Variants in MAN2A1 observed in about 807,000 individuals in gnomAD.
MAN2A1 encodes alpha-mannosidase 2.
MAN2A1 carries 76 observed loss-of-function variants against 142.6 expected under a neutral mutation model. The ratio of observed to expected loss-of-function variants is 0.53; its 90% CI spans 0.44 to 0.65. The LOEUF (loss-of-function observed/expected upper bound fraction) is 0.65. MAN2A1 is among the 30% of genes least tolerant of loss of function. The pLI, the probability that MAN2A1 is intolerant of heterozygous loss-of-function variation, is 0.00. For synonymous variants in MAN2A1, 559 were observed against 473.2 expected, an observed-to-expected ratio of 1.18 and a Z score of -2.35; for missense variants, 1,311 against 1,365.1, an observed-to-expected ratio of 0.96 and a Z score of 0.62.
chr5:109,797,480 G>T (rs1026831691), intron 12 of MAN2A1, among the ~76,000 whole-genome samples: 3 of 151,930 alleles, frequency 2.0e-5, no homozygotes, highest in Admixed American at 2.0e-4. Flanking sequence ...AGAGGGTATG[G>T]ATGTGAAAAA....
At chr5:109,751,118 A>G (rs1056174105) in intron 4 of MAN2A1, among the ~76,000 whole-genome samples, 1 of 152,002 alleles carries the variant, frequency 6.6e-6, no homozygotes, top group Middle Eastern at 3.2e-3. Flanking sequence ...AACTTCTCTT[A>G]ACCCCTCTTC....
intron 13 of MAN2A1, among the ~76,000 whole-genome samples, chr5:109,819,055 T>C (rs1313311640): frequency 1.3e-5 from 2 of 152,210 alleles, no homozygotes; most frequent in Non-Finnish European, 2.9e-5. Context: ...GTGAAAGTAA[T>C]GTGCATTCAG....
At position 109,735,878 on chromosome 5, in the gene MAN2A1, G is replaced by GGT. The variant is rs367728649; in HGVS notation, c.707+6365_707+6366insGT. ...TTGACTTTTTATAATTTCCATTGGA[G>GGT]TTTTTTTTTTTTTTTTTTTTTCCCT... On this transcript the variant is annotated intron_variant, in intron 4 of 21. Transcript: ENST00000261483. Among the ~76,000 whole-genome samples, 5 of 98,406 alleles carry GGT rather than the reference G, an allele frequency of 5.1e-5. No individual in the cohort carries two copies. In the East Asian group the frequency reaches 1.5e-3, roughly 29 times the overall value. The allele number at this position is 98,406 out of a possible 152,430, so 64.6% of individuals were successfully genotyped here.
chr5:109,781,586 A>T lies in MAN2A1; in HGVS notation c.1565A>T (p.Glu522Val). 1 of 1,596,502 alleles carries T rather than the reference A, an allele frequency of 6.3e-7. No homozygotes were observed. The highest frequency in any genetic ancestry group is 1.3e-5 in the African/African-American group (1 of 74,136). The change falls in exon 9 of 22, where the codon GAA becomes GTA. Residue 522 changes from glutamate (E) to valine (V), a missense_variant. Coordinates refer to ENST00000261483, the MANE Select transcript of MAN2A1 (RefSeq NM_002372.4). ...TACAAACGAATGGACAGAATCATGG[A>T]ATCTCATTTAAGGTACTTTTACCTT... is the stretch of plus-strand genomic sequence containing the variant. The part of the protein sequence containing the change: ...PFYKRMDRIM[E>V]SHLRAAEILY...
chr5:109,762,377 GT>G (rs1182904022), intron 5 of MAN2A1, among the ~76,000 whole-genome samples: 2 of 152,038 alleles, frequency 1.3e-5, no homozygotes, highest in Non-Finnish European at 2.9e-5. Flanking sequence ...CCTTTTGTCT[GT>G]TTTTTGTTTC....
At position 109,820,236 on chromosome 5, in the gene MAN2A1, A is replaced by C; in HGVS notation, c.2345A>C (p.Glu782Ala). Residue 782 changes from glutamate (E) to alanine (A), a missense_variant, in exon 15 of 22, where the codon GAA (glutamate) becomes GCA (alanine). Physicochemically the swap from Glu to Ala is moderately radical, Grantham distance 107. Around this residue, in one of 3 missense-constraint regions of MAN2A1, gnomAD observed 890 missense variants for 920.5 expected, o/e 0.97. Coordinates refer to ENST00000261483, the MANE Select transcript of MAN2A1 (RefSeq NM_002372.4). Reference sequence around the variant, plus strand: ...AATCTTTAGCAAATGATGACTAAAGAAGATGGTAAACACCATGAAGTAAAT... The same window carrying C: ...AATCTTTAGCAAATGATGACTAAAGCAGATGGTAAACACCATGAAGTAAAT... ...TGLMKQMMTK[E>A]DGKHHEVNVQ... 6.2e-7 allele frequency: 1 copy of C among 1,607,516 alleles called. No individual in the cohort carries two copies. The highest frequency in any genetic ancestry group is 8.5e-7 in the Non-Finnish European group (1 of 1,175,964).
chr5:109,812,869 A>G (rs971536883), intron 12 of MAN2A1, among the ~76,000 whole-genome samples: 5 of 152,072 alleles, frequency 3.3e-5, no homozygotes, highest in African/African-American at 7.2e-5. Context: ...TTCTGCACTG[A>G]TGATTCATTA....
chr5:109,763,863 G>A (rs1371959591), intron 5 of MAN2A1, among the ~76,000 whole-genome samples: 3 of 150,792 alleles, frequency 2.0e-5, no homozygotes, highest in Non-Finnish European at 2.9e-5. Flanking sequence ...GCACACTGGC[G>A]CCATCTCAGC....
intron 5 of MAN2A1, among the ~76,000 whole-genome samples, chr5:109,758,130 C>T (rs1387079455): frequency 6.6e-6 from 1 of 152,064 alleles, no homozygotes; most frequent in Non-Finnish European, 1.5e-5. Flanking sequence ...ATCGTTCTAC[C>T]TTCCCACCAG....
chr5:109,733,293 T>A (rs1225679229), intron 4 of MAN2A1, among the ~76,000 whole-genome samples: 1 of 152,218 alleles, frequency 6.6e-6, no homozygotes, highest in East Asian at 1.9e-4. Flanking sequence ...AGATATACAA[T>A]CATGTCGTCT....
intron 4 of MAN2A1, among the ~76,000 whole-genome samples, chr5:109,749,919 T>G (rs1752501919): frequency 6.6e-6 from 1 of 152,042 alleles, no homozygotes; most frequent in African/African-American, 2.4e-5. Flanking sequence ...TTTAAAAAAT[T>G]GTTAGTCTTG....
chr5:109,698,343 T>C (rs1750873520), intron 1 of MAN2A1, among the ~76,000 whole-genome samples: 1 of 152,188 alleles, frequency 6.6e-6, no homozygotes, highest in Admixed American at 6.5e-5. Flanking sequence ...TTCTTGCTAA[T>C]TTTCATCATT....
chr5:109,853,182 T>G (rs1287974475), intron 19 of MAN2A1, among the ~76,000 whole-genome samples: 2 of 152,204 alleles, frequency 1.3e-5, no homozygotes, highest in African/African-American at 4.8e-5. Flanking sequence ...AAAGTTTATC[T>G]TTTGATTCTA....
intron 13 of MAN2A1, among the ~76,000 whole-genome samples, chr5:109,818,779 A>G (rs1754541106): frequency 6.6e-6 from 1 of 152,204 alleles, no homozygotes; most frequent in South Asian, 2.1e-4. Flanking sequence ...ATTGGATAAA[A>G]ACATTAGTGC....
At chr5:109,856,977 A>T (rs555455992) in intron 20 of MAN2A1, among the ~76,000 whole-genome samples, 74 of 152,344 alleles carry the variant, frequency 4.9e-4, no homozygotes, top group African/African-American at 1.8e-3. Context: ...GTTAAGTGTT[A>T]TGAAGGAGTA....
chr5:109,828,120 AAAAAAAG>A (rs1365522821), intron 16 of MAN2A1, among the ~76,000 whole-genome samples: 1 of 143,706 alleles, frequency 7.0e-6, no homozygotes, highest in East Asian at 3.4e-4. Flanking sequence ...AAAAAAAAAG[AAAAAAAG>A]AAAAAAAATT....
At chr5:109,735,896 T>C (rs1752080668) in intron 4 of MAN2A1, among the ~76,000 whole-genome samples, 1 of 149,292 alleles carries the variant, frequency 6.7e-6, no homozygotes, top group South Asian at 2.1e-4. Flanking sequence ...TTTTTTTTTT[T>C]TTTCCCTCTT....
Position 109,845,969 on chromosome 5 carries a change from C to G in MAN2A1, c.2805C>G (p.Leu935=), listed in dbSNP as rs536694560. 8 of 1,613,660 alleles carry G rather than the reference C, an allele frequency of 5.0e-6. No individual in the cohort carries two copies. In the South Asian group the frequency reaches 7.7e-5, roughly 16 times the overall value. ...IQDAKHRLTL[L]SAQSLGVSSL... ...ATGCCAAACATCGTTTGACACTGCT[C>G]TCTGCTCAGTCATTAGGGGTTTCGA... Residue 935 remains leucine (L), a synonymous_variant, in exon 18 of 22, where the codon CTC becomes CTG. Coordinates refer to ENST00000261483, the MANE Select transcript of MAN2A1 (RefSeq NM_002372.4).
chr5:109,848,781 A>G (rs928633099), intron 19 of MAN2A1, among the ~76,000 whole-genome samples: 1 of 152,192 alleles, frequency 6.6e-6, no homozygotes, highest in Non-Finnish European at 1.5e-5. Context: ...TTCTTCTATT[A>G]AAAGTAGAAA....
Sources: allele counts gnomAD v4.1 joint callset (sites outside exome capture counted in the v4.1 genomes callset), GRCh38; gene constraint gnomAD v4.1.1; regional missense constraint gnomAD v4.1.1; transcripts MANE v1.5; gene names NCBI Gene and HGNC (gene_info 2026-07-23, HGNC 2026-07-21).